Variants in RASAL2 observed in about 807,000 individuals in gnomAD.
RASAL2 encodes the protein ras GTPase-activating protein nGAP.
A neutral mutation model predicts 128.9 loss-of-function variants in RASAL2; 58 were observed. That is an observed-to-expected ratio of 0.45 (90% CI 0.36 to 0.56). The LOEUF (loss-of-function observed/expected upper bound fraction) is 0.56, where lower values mean the gene tolerates loss of function less well. Ranked by LOEUF, RASAL2 falls within the 20% of genes least tolerant of loss-of-function variation. The probability of loss-of-function intolerance (pLI) is 0.00; values close to 1 mark genes in which losing one functional copy is unlikely to be tolerated. For synonymous variants in RASAL2, 561 were observed against 580.8 expected (o/e 0.97, Z 0.49); for missense variants, 1,360 against 1,601.6 (o/e 0.85, Z 2.57).
rs1176523106 is a variant in RASAL2, at chr1:178,456,787, C to T, written c.2278C>T (p.Pro760Ser). 1.2e-6 allele frequency: 2 copies of T among 1,614,058 alleles called. No homozygotes were observed. The highest frequency in any genetic ancestry group is 1.7e-5 in the Admixed American group (1 of 60,008). Residue 760 changes from proline (P) to serine (S), a missense_variant, in exon 13 of 18, where the codon CCT (proline) becomes TCT (serine). By Grantham distance (74) the Pro-to-Ser change is moderately conservative. Coordinates refer to ENST00000367649, the MANE Select transcript of RASAL2 (RefSeq NM_170692.4). ...TGATATTACCAAGTCATTGACTAAT[C>T]CTACGCCAATACAACAGCAACTGAG... ...LADITKSLTN[P>S]TPIQQQLRRF...
intron 11 of RASAL2, among the ~76,000 whole-genome samples, chr1:178,454,055 A>T (rs1321854264): frequency 1.3e-5 from 2 of 152,096 alleles, no homozygotes; most frequent in South Asian, 2.1e-4. Context: ...AGTAAATAGC[A>T]TGGGCAAAAG....
intron 1 of RASAL2, among the ~76,000 whole-genome samples, chr1:178,276,216 G>A (rs1489724919): frequency 6.6e-6 from 1 of 152,132 alleles, no homozygotes; most frequent in Non-Finnish European, 1.5e-5. Context: ...ACTGTGTGTT[G>A]GGTGGTTATC....
intron 2 of RASAL2, among the ~76,000 whole-genome samples, chr1:178,296,630 T>G (rs1232525781): frequency 6.6e-6 from 1 of 151,682 alleles, no homozygotes; most frequent in African/African-American, 2.4e-5. Flanking sequence ...CCCAAAGTGC[T>G]GCGATTACAG....
At position 178,166,271 on chromosome 1, in the gene RASAL2, A is replaced by G. The variant is rs190666683; in HGVS notation, c.202+71577A>G. Among the ~76,000 whole-genome samples, 45 of 152,302 alleles carry G rather than the reference A, an allele frequency of 3.0e-4. No homozygotes were observed. In the East Asian group the frequency reaches 8.1e-3, roughly 27 times the overall value. On this transcript the variant is annotated intron_variant, in intron 1 of 17. Coordinates refer to ENST00000367649, the MANE Select transcript of RASAL2 (RefSeq NM_170692.4). ...GATCATTTAACTTAAAATTCAAGGC[A>G]TGCCATCCAAGTGGCAACAATTTTC... is the stretch of plus-strand genomic sequence containing the variant.
At chr1:178,240,726 T>G (rs1664461422) in intron 1 of RASAL2, among the ~76,000 whole-genome samples, 1 of 151,730 alleles carries the variant, frequency 6.6e-6, no homozygotes, top group Non-Finnish European at 1.5e-5. Flanking sequence ...GTTATTAAAA[T>G]AAAGTTATTA....
chr1:178,444,154 T>C (rs1030915330), intron 8 of RASAL2, among the ~76,000 whole-genome samples: 6 of 152,214 alleles, frequency 3.9e-5, no homozygotes, highest in Non-Finnish European at 7.3e-5. Flanking sequence ...TTGAATTGTA[T>C]GGATATATTT....
At chr1:178,399,524 C>T (rs1673478654) in intron 4 of RASAL2, among the ~76,000 whole-genome samples, 1 of 152,108 alleles carries the variant, frequency 6.6e-6, no homozygotes. Flanking sequence ...CATGGTGGAA[C>T]CTGGTAGCCA....
intron 1 of RASAL2, among the ~76,000 whole-genome samples, chr1:178,140,363 C>A (rs1660481658): frequency 6.6e-6 from 1 of 152,136 alleles, no homozygotes; most frequent in Non-Finnish European, 1.5e-5. Context: ...AGGTTTCTGT[C>A]TTTGTATTAT....
At chr1:178,411,675 C>A in intron 4 of RASAL2, 2 of 820,096 alleles carry the variant, frequency 2.4e-6, no homozygotes. Context: ...CCTTCAGTGA[C>A]ACTTTTGTCC....
chr1:178,226,899 C>T (rs531617672), intron 1 of RASAL2, among the ~76,000 whole-genome samples: 4 of 152,240 alleles, frequency 2.6e-5, no homozygotes, highest in Non-Finnish European at 4.4e-5. Flanking sequence ...AAGATCATGC[C>T]ACTGCACTCC....
intron 3 of RASAL2, among the ~76,000 whole-genome samples, chr1:178,349,286 A>G (rs1479306177): frequency 6.8e-6 from 1 of 146,326 alleles, no homozygotes; most frequent in African/African-American, 2.5e-5. Context: ...AAAGCCAGGC[A>G]TGGTGGCGCG....
intron 1 of RASAL2, among the ~76,000 whole-genome samples, chr1:178,178,380 G>C (rs1326109668): frequency 6.6e-6 from 1 of 152,050 alleles, no homozygotes; most frequent in Non-Finnish European, 1.5e-5. Flanking sequence ...TCATTACTTA[G>C]TGAAGGGAGG....
chr1:178,130,946 C>T (rs977592617), intron 1 of RASAL2, among the ~76,000 whole-genome samples: 51 of 151,510 alleles, frequency 3.4e-4, no homozygotes, highest in South Asian at 4.2e-4. Context: ...CCCAGCTACT[C>T]GGGAGGCTGA....
intron 1 of RASAL2, among the ~76,000 whole-genome samples, chr1:178,195,413 TG>T (rs1303423618): frequency 7.2e-5 from 11 of 152,202 alleles, no homozygotes; most frequent in Non-Finnish European, 1.3e-4. Flanking sequence ...ACTAGGCTTG[TG>T]TTTGAATTGT....
At chr1:178,424,207 A>G (rs1373714756) in intron 5 of RASAL2, among the ~76,000 whole-genome samples, 13 of 151,964 alleles carry the variant, frequency 8.6e-5, no homozygotes, top group African/African-American at 3.1e-4. Context: ...TGAAATCTTC[A>G]AAGTGTTGTG....
intron 1 of RASAL2, among the ~76,000 whole-genome samples, chr1:178,155,464 A>AC (rs1431913174): frequency 1.4e-5 from 2 of 146,426 alleles, no homozygotes; most frequent in Non-Finnish European, 3.0e-5. Flanking sequence ...TAAACCAGCA[A>AC]AAAAAAAAAA....
intron 14 of RASAL2, among the ~76,000 whole-genome samples, chr1:178,462,776 T>G (rs1210847951): frequency 6.6e-6 from 1 of 152,194 alleles, no homozygotes; most frequent in Non-Finnish European, 1.5e-5. Context: ...AGTAGAAATT[T>G]CTAGAAGTTC....
chr1:178,430,907 T>TACACAC (rs71297897), intron 5 of RASAL2, among the ~76,000 whole-genome samples: 7,016 of 133,982 alleles, frequency 0.052, 565 homozygotes, highest in African/African-American at 0.17. Flanking sequence ...GGCAAAAAAG[T>TACACAC]ACACACACAC....
intron 3 of RASAL2, among the ~76,000 whole-genome samples, chr1:178,312,194 T>C (rs1473720918): frequency 3.3e-5 from 5 of 152,138 alleles, no homozygotes; most frequent in African/African-American, 4.8e-5. Context: ...CTGAAAGATA[T>C]GTGTTTCCAG....
Sources: gnomAD v4.1 joint callset for allele counts (sites outside exome capture counted in the v4.1 genomes callset) on GRCh38, gnomAD v4.1.1 for gene constraint, MANE v1.5 for transcripts, NCBI Gene and HGNC (gene_info 2026-07-23, HGNC 2026-07-21) for gene names.